The following SCEL variants were observed in gnomAD, a reference collection of about 807,000 sequenced individuals.
The protein encoded by SCEL is sciellin.
A neutral mutation model predicts 117.6 loss-of-function variants in SCEL; 113 were observed. That is an observed-to-expected ratio of 0.96 (90% CI 0.83 to 1.12). SCEL has a LOEUF of 1.12. Ranked by LOEUF, SCEL falls within the 50% of genes most tolerant of loss-of-function variation. SCEL has a pLI of 0.00. For missense variants in SCEL, 785 were observed against 810.8 expected (o/e 0.97, Z 0.39); for synonymous variants, 270 against 256.2 (o/e 1.05, Z -0.51).
chr13:77,604,464 A>G (rs2087969126), intron 19 of SCEL, 49 bp downstream of exon 19: 6 of 1,434,402 alleles, frequency 4.2e-6, no homozygotes, highest in African/African-American at 3.0e-5. Context: ...ATTTAGAAGG[A>G]CGTTAGAATT....
intron 10 of SCEL, 125 bp downstream of exon 10, chr13:77,589,349 T>C (rs2086739259): frequency 8.5e-6 from 5 of 588,424 alleles, no homozygotes; most frequent in Non-Finnish European, 1.5e-5. Context: ...AAGAAGCGCC[T>C]GTAGAACTTT....
At chr13:77,619,179 G>A (rs2089268276) in intron 27 of SCEL, among the ~76,000 whole-genome samples, 1 of 152,104 alleles carries the variant, frequency 6.6e-6, no homozygotes. Context: ...GGAGAAAGAG[G>A]AAAGTATAAT....
intron 9 of SCEL, among the ~76,000 whole-genome samples, chr13:77,574,466 A>C (rs1341156000): frequency 2.0e-5 from 3 of 152,240 alleles, no homozygotes; most frequent in Admixed American, 2.0e-4. Context: ...TAATGGCTAA[A>C]CGAAAAGACT....
Position 77,539,781 on chromosome 13 carries a change from G to A in SCEL, c.-20+3957G>A, listed in dbSNP as rs144172137. Among the ~76,000 whole-genome samples the A allele has an allele frequency of 2.6e-3, 389 of 152,166 alleles. 6 individuals are homozygous for A. In the East Asian group the frequency reaches 0.063, roughly 24 times the overall value. ...GATCTCCTGATCACGTGGTCTGCCC[G>A]CCTCTGCCTCCCAAAGTGCTGGGAT... On this transcript the variant is annotated intron_variant, in intron 1 of 32. Transcript: ENST00000349847.
At chr13:77,634,678 C>T (rs992765368) in intron 29 of SCEL, among the ~76,000 whole-genome samples, 5 of 152,062 alleles carry the variant, frequency 3.3e-5, no homozygotes, top group African/African-American at 1.2e-4. Context: ...TTTAGTATAA[C>T]ACATGTATAC....
intron 21 of SCEL, among the ~76,000 whole-genome samples, chr13:77,609,529 G>A (rs922545310): frequency 6.6e-6 from 1 of 152,140 alleles, no homozygotes; most frequent in Non-Finnish European, 1.5e-5. Flanking sequence ...CATCCTCAAA[G>A]TGAGGAAATT....
intron 19 of SCEL, among the ~76,000 whole-genome samples, 199 bp from the exon 20 acceptor site, chr13:77,607,857 A>G (rs2088333557): frequency 6.6e-6 from 1 of 152,218 alleles, no homozygotes. Flanking sequence ...CCTGAGTCTC[A>G]ATGAATTTCA....
chr13:77,540,690 G>T (rs1372724930), intron 1 of SCEL, among the ~76,000 whole-genome samples: 1 of 152,234 alleles, frequency 6.6e-6, no homozygotes, highest in Non-Finnish European at 1.5e-5. Flanking sequence ...GAGTTGCTGT[G>T]GCTGAAGCCA....
intron 9 of SCEL, among the ~76,000 whole-genome samples, chr13:77,585,388 C>T (rs2086502834): frequency 6.6e-6 from 1 of 152,132 alleles, no homozygotes; most frequent in South Asian, 2.1e-4. Flanking sequence ...AGGTGCTCCA[C>T]AGCGGGGAGA....
intron 19 of SCEL, among the ~76,000 whole-genome samples, chr13:77,605,802 C>T (rs1372289542): frequency 6.6e-6 from 1 of 152,096 alleles, no homozygotes; most frequent in East Asian, 1.9e-4. Context: ...GTCAGGGGAT[C>T]GAGACCATCC....
At chr13:77,564,164 T>G (rs957246395) in intron 5 of SCEL, among the ~76,000 whole-genome samples, 13 of 151,804 alleles carry the variant, frequency 8.6e-5, no homozygotes, top group Non-Finnish European at 1.9e-4. Flanking sequence ...GGGTGGGTAC[T>G]GTGCAGAATC....
At chr13:77,588,611 G>A (rs995443365) in intron 9 of SCEL, among the ~76,000 whole-genome samples, 2 of 152,276 alleles carry the variant, frequency 1.3e-5, no homozygotes, top group Middle Eastern at 3.4e-3. Flanking sequence ...GCTGACGGTA[G>A]ATTGTATATA....
chr13:77,558,848 G>C (rs2084813196), intron 3 of SCEL, among the ~76,000 whole-genome samples: 1 of 147,222 alleles, frequency 6.8e-6, no homozygotes, highest in Non-Finnish European at 1.5e-5. Flanking sequence ...AAAGGTACCA[G>C]AGTGTTAAGT....
At position 77,644,924 on chromosome 13, in the gene SCEL, CATACATGTTTGT is replaced by C. The variant is rs2090721504; in HGVS notation, c.*651_*662del. ...CATTAGCTCTTTGGAAACATATATGCATACATGTTTGTTAAGCCTATTGAACTAGGTAGGACA... is the reference window on the plus strand; with the variant it reads ...CATTAGCTCTTTGGAAACATATATGCTAAGCCTATTGAACTAGGTAGGACA... On this transcript the variant is annotated 3_prime_UTR_variant, in exon 33 of 33. Transcript: ENST00000349847. 1 of 152,122 alleles carries C rather than the reference CATACATGTTTGT, an allele frequency of 6.6e-6. No individual in the cohort carries two copies. Among genetic ancestry groups the C allele is most frequent in the Non-Finnish European group, 1.5e-5 (1 of 68,018 alleles). The allele number at this position is 152,122 out of a possible 1,614,324, so 9.4% of individuals were successfully genotyped here.
At chr13:77,616,459 G>C (rs2089049396) in intron 24 of SCEL, among the ~76,000 whole-genome samples, 2 of 151,966 alleles carry the variant, frequency 1.3e-5, no homozygotes, top group Non-Finnish European at 2.9e-5. Context: ...GTTGTGGATA[G>C]TTTTAATATA....
rs533725425 is a variant in SCEL at position 77,632,289 on chromosome 13, A to G, written c.1692-2090A>G. On this transcript the variant is annotated intron_variant, in intron 28 of 32. Transcript: ENST00000349847. The stretch of plus-strand genomic sequence containing the variant: ...TTTTTGATATTCTATTGCTGAGGAC[A>G]GTGCAAATGCATTTCAAACTCACTG... Among the ~76,000 whole-genome samples, 4 of 152,360 alleles carry G rather than the reference A, an allele frequency of 2.6e-5. No individual in the cohort carries two copies. In the South Asian group the frequency reaches 8.3e-4, roughly 32 times the overall value.
chr13:77,550,413 T>TTA (rs71102759), intron 1 of SCEL, among the ~76,000 whole-genome samples: 201 of 135,856 alleles, frequency 1.5e-3, no homozygotes, highest in Non-Finnish European at 2.8e-3. Context: ...TATATATATA[T>TTA]TATATATATA....
intron 1 of SCEL, among the ~76,000 whole-genome samples, chr13:77,546,459 G>A (rs1446891325): frequency 6.6e-6 from 1 of 152,132 alleles, no homozygotes; most frequent in Non-Finnish European, 1.5e-5. Flanking sequence ...GGCCTGGAAG[G>A]ATTAAATAAG....
chr13:77,642,671 C>A (rs1476574486), intron 31 of SCEL, 35 bp from the exon 32 acceptor site: 1 of 1,252,504 alleles, frequency 8.0e-7, no homozygotes, highest in Non-Finnish European at 1.1e-6. Context: ...ATTTCATTTA[C>A]AATGGAAACT....
Sources: allele counts gnomAD v4.1 joint callset (sites outside exome capture counted in the v4.1 genomes callset), GRCh38; gene constraint gnomAD v4.1.1; transcripts MANE v1.5; gene names NCBI Gene and HGNC (gene_info 2026-07-23, HGNC 2026-07-21).